The following MIEF1 variants were observed in gnomAD, a reference collection of about 807,000 sequenced individuals.
The protein encoded by MIEF1 is mitochondrial dynamics protein MIEF1.
MIEF1 carries 14 observed loss-of-function variants against 35.1 expected under a neutral mutation model. The ratio of observed to expected loss-of-function variants is 0.40; its 90% confidence interval spans 0.26 to 0.62. The LOEUF (loss-of-function observed/expected upper bound fraction) is 0.62, where lower values mean the gene tolerates loss of function less well. MIEF1 is among the 20% of genes least tolerant of loss of function. The pLI is 0.43. For missense variants in MIEF1, 542 were observed against 615.4 expected (o/e 0.88, Z 1.26); for synonymous variants, 245 against 254.3 (o/e 0.96, Z 0.35).
rs746460028 is a variant in MIEF1, at chr22:39,513,573, G to T, written c.642G>T (p.Leu214=). 5 of 1,614,094 alleles carry T rather than the reference G, an allele frequency of 3.1e-6. No individual in the cohort carries two copies. In the East Asian group the frequency reaches 6.7e-5, roughly 22 times the overall value. The part of the protein sequence containing the change: ...LIVPLVLEQN[L]WSCIPGEDTI... ...TGCCCCTTGTGCTGGAGCAGAACCT[G>T]TGGTCATGTATTCCTGGTGAAGACA... is the stretch of plus-strand genomic sequence containing the variant. The change falls in exon 6 of 6, where the codon CTG becomes CTT. Residue 214 remains leucine (L), a synonymous_variant. Transcript: ENST00000325301.
At chr22:39,502,216 T>TG (rs1929745315), upstream of MIEF1, 1 of 136,732 alleles carries the variant, frequency 7.3e-6, no homozygotes, top group Admixed American at 7.2e-5. Context: ...GGCTCAGGAT[T>TG]GGGGGGCGGA....
At chr22:39,511,158 T>G in intron 2 of MIEF1, 130 bp from the exon 3 acceptor site, 1 of 1,159,144 alleles carries the variant, frequency 8.6e-7, no homozygotes, top group East Asian at 2.5e-5. Flanking sequence ...AAGCATGCAG[T>G]GCTGGAGGCA....
rs1360960809 is a variant in MIEF1, at chr22:39,516,222, G to C, written c.*1899G>C. 6.6e-6 allele frequency: 1 copy of C among 152,222 alleles called. No homozygotes were observed. Among genetic ancestry groups the C allele is most frequent in the Non-Finnish European group, 1.5e-5 (1 of 68,046 alleles). 9.4% of individuals were successfully genotyped at this position (152,222 alleles called of 1,614,324 possible). ...ATCCTGGATGAATCTAGAAGGTATG[G>C]GGTAGAGCTTGACAGGGTTCCTGTG... On this transcript the variant is annotated 3_prime_UTR_variant, in exon 6 of 6. Transcript: ENST00000325301.
At chr22:39,502,264 AG>A (rs763065492), upstream of MIEF1, 1 of 152,400 alleles carries the variant, frequency 6.6e-6, no homozygotes, top group Non-Finnish European at 1.5e-5. Context: ...GAGAGCTTGG[AG>A]AAGACCGGAA....
Position 39,513,947 on chromosome 22 carries a change from T to C in MIEF1, c.1016T>C (p.Leu339Pro). Residue 339 changes from leucine (L) to proline (P), a missense_variant, in exon 6 of 6, where the codon CTG (leucine) becomes CCG (proline). By Grantham distance (98) the Leu-to-Pro change is moderately conservative. Transcript: ENST00000325301. ...RLAQYDNLWR[L>P]SLRPAETARL... is the part of the protein sequence containing the mutation. ...GCCCAGTATGACAACCTGTGGCGGC[T>C]GAGCCTGCGTCCCGCGGAGACGGCA... 1 of 1,613,414 alleles carries C rather than the reference T, an allele frequency of 6.2e-7. No individual in the cohort carries two copies.
intron 5 of MIEF1, 131 bp from the exon 6 acceptor site, chr22:39,513,386 G>A: frequency 3.2e-6 from 3 of 926,814 alleles, no homozygotes; most frequent in Non-Finnish European, 4.8e-6. Flanking sequence ...TTACAGGCAT[G>A]GGCCACTGCG....
intron 2 of MIEF1, among the ~76,000 whole-genome samples, chr22:39,505,874 A>G (rs1230905310): frequency 6.6e-6 from 1 of 152,092 alleles, no homozygotes; most frequent in Non-Finnish European, 1.5e-5. Flanking sequence ...AAAGATGAAG[A>G]GTAACTGGGT....
In MIEF1 at chr22:39,504,422, C is replaced by A. The variant is rs1274174319; in HGVS notation, c.-120C>A. 1 of 398,998 alleles carries A rather than the reference C, an allele frequency of 2.5e-6. No individual in the cohort carries two copies. The highest frequency in any genetic ancestry group is 4.4e-6 in the Non-Finnish European group (1 of 226,058). The allele number at this position is 398,998 out of a possible 1,614,324, so 24.7% of individuals were successfully genotyped here. A position where few individuals can be genotyped will look rare whatever the true frequency, so the allele number is the denominator to read the frequency against. On this transcript the variant is annotated 5_prime_UTR_variant, in exon 2 of 6. Coordinates refer to ENST00000325301, the MANE Select transcript of MIEF1 (RefSeq NM_019008.6). ...AGAAGGGCCTGGTCTTTCTCAACGG[C>A]AAATTGGGGAGGATCATTTAGGATC...
chr22:39,503,291 T>C (rs896796490), intron 1 of MIEF1: 1 of 152,218 alleles, frequency 6.6e-6, no homozygotes, highest in Non-Finnish European at 1.5e-5. Context: ...GGGGTAATGT[T>C]GACCCCTAGG....
chr22:39,507,523 G>T (rs531506083), intron 2 of MIEF1, among the ~76,000 whole-genome samples: 74 of 151,680 alleles, frequency 4.9e-4, no homozygotes, highest in Non-Finnish European at 2.7e-4. Context: ...GGGATTACAG[G>T]CGTGAGCCAC....
Position 39,504,508 on chromosome 22 carries a change from T to C in MIEF1, c.-34T>C. 1 of 398,572 alleles carries C rather than the reference T, an allele frequency of 2.5e-6. No individual in the cohort carries two copies. The highest frequency in any genetic ancestry group is 4.4e-6 in the Non-Finnish European group (1 of 226,062). The allele number at this position is 398,572 out of a possible 1,614,324, so 24.7% of individuals were successfully genotyped here. A position where few individuals can be genotyped will look rare whatever the true frequency, so the allele number is the denominator to read the frequency against. The stretch of plus-strand genomic sequence containing the variant: ...ACACTCCTGCTCTCTTCCATCCCCA[T>C]CTTACAGATGTATTAAGAAGCCTCA... On this transcript the variant is annotated 5_prime_UTR_variant, in exon 2 of 6. Coordinates refer to ENST00000325301, the MANE Select transcript of MIEF1 (RefSeq NM_019008.6).
At chr22:39,507,135 GTGTC>G (rs1250341038) in intron 2 of MIEF1, among the ~76,000 whole-genome samples, 1 of 152,146 alleles carries the variant, frequency 6.6e-6, no homozygotes, top group East Asian at 1.9e-4. Context: ...AGTAAGGTCC[GTGTC>G]TGTCTGTTGA....
At chr22:39,511,673 TATATC>T (rs1055731430) in intron 3 of MIEF1, among the ~76,000 whole-genome samples, 171 bp from the exon 4 acceptor site, 13 of 152,238 alleles carry the variant, frequency 8.5e-5, no homozygotes, top group African/African-American at 2.7e-4. Context: ...ATCTATGTCT[TATATC>T]ATGTAGTCTT....
At chr22:39,509,763 G>A (rs1930237986) in intron 2 of MIEF1, among the ~76,000 whole-genome samples, 1 of 152,202 alleles carries the variant, frequency 6.6e-6, no homozygotes, top group Admixed American at 6.5e-5. Flanking sequence ...GAGGGTCCAT[G>A]GAGGGACCTT....
At chr22:39,512,530 G>T in intron 5 of MIEF1, 36 bp downstream of exon 5, 1 of 1,581,688 alleles carries the variant, frequency 6.3e-7, no homozygotes. Flanking sequence ...TGGGGTTTGA[G>T]TGCTGAGCAC....
Position 39,512,928 on chromosome 22 carries a change from C to T in MIEF1, c.585+434C>T, listed in dbSNP as rs547557529. Reference sequence around the variant, plus strand: ...CCTCCCAAAATGCTGGGATTACAGGCGTGAGCCTGGCCTGTTATTCTTTAT... The same window carrying T: ...CCTCCCAAAATGCTGGGATTACAGGTGTGAGCCTGGCCTGTTATTCTTTAT... On this transcript the variant is annotated intron_variant, in intron 5 of 5. Transcript: ENST00000325301. Among the ~76,000 whole-genome samples, 223 of 152,264 alleles carry T rather than the reference C, an allele frequency of 1.5e-3. 1 individual carries two copies. Among genetic ancestry groups the T allele is most frequent in the Non-Finnish European group, 8.7e-4 (59 of 68,010 alleles).
intron 1 of MIEF1, chr22:39,503,176 C>T (rs567240974): frequency 6.6e-6 from 1 of 152,250 alleles, no homozygotes; most frequent in East Asian, 1.9e-4. Context: ...TAACTCATTC[C>T]AGAGGCAGGC....
At chr22:39,502,779 C>T (rs1285660753) in intron 1 of MIEF1, among the ~76,000 whole-genome samples, 1 of 152,262 alleles carries the variant, frequency 6.6e-6, no homozygotes, top group Non-Finnish European at 1.5e-5. Flanking sequence ...CTCGCCGTGA[C>T]AGTCGCCTTT....
intron 2 of MIEF1, among the ~76,000 whole-genome samples, chr22:39,510,242 G>A (rs1930263181): frequency 6.6e-6 from 1 of 152,148 alleles, no homozygotes; most frequent in Non-Finnish European, 1.5e-5. Context: ...ACAGGCGTGA[G>A]TCACCGTGCC....
Sources: gnomAD v4.1 joint callset for allele counts (sites outside exome capture counted in the v4.1 genomes callset) on GRCh38, gnomAD v4.1.1 for gene constraint, MANE v1.5 for transcripts, NCBI Gene and HGNC (gene_info 2026-07-23, HGNC 2026-07-21) for gene names.